Variants in CELSR1 observed in about 807,000 individuals in gnomAD.
CELSR1 encodes the protein adhesion G protein-coupled receptor C1.
A neutral mutation model predicts 249.1 loss-of-function variants in CELSR1; 110 were observed. The ratio of observed to expected loss-of-function variants is 0.44; its 90% CI spans 0.38 to 0.52. CELSR1 has a LOEUF of 0.52. Ranked by LOEUF, CELSR1 falls within the 20% of genes least tolerant of loss-of-function variation. CELSR1 has a pLI of 0.00. For missense variants in CELSR1, 4,109 were observed against 4,296.4 expected, an observed-to-expected ratio of 0.96 and a Z score of 1.22; for synonymous variants, 2,113 against 1,900.0, an observed-to-expected ratio of 1.11 and a Z score of -2.92.
chr22:46,515,186 T>A (rs2080614348), intron 1 of CELSR1, among the ~76,000 whole-genome samples: 2 of 152,090 alleles, frequency 1.3e-5, no homozygotes, highest in Non-Finnish European at 2.9e-5. Flanking sequence ...CACCCGTGCA[T>A]CAGCCCTCTG....
At position 46,374,763 on chromosome 22, in the gene CELSR1, C is replaced by T. The variant is rs565415440; in HGVS notation, c.7585-1706G>A. Among the ~76,000 whole-genome samples, 2 of 152,278 alleles carry T rather than the reference C, an allele frequency of 1.3e-5. No homozygotes were observed. Among genetic ancestry groups the T allele is most frequent in the African/African-American group, 2.4e-5 (1 of 41,510 alleles). ...GATGAAATCCGCACACTTCTCAGAG[C>T]CTTCCCAGACCAATGCGCGGATGAG... On this transcript the variant is annotated intron_variant, in intron 24 of 34. Transcript: ENST00000674500. The surrounding 1 kb of genome is among the most constrained non-coding windows in gnomAD (Gnocchi z 4.3).
chr22:46,499,926 A>G (rs1485747802), intron 1 of CELSR1, among the ~76,000 whole-genome samples: 1 of 151,982 alleles, frequency 6.6e-6, no homozygotes, highest in Non-Finnish European at 1.5e-5. Flanking sequence ...CCTCCAGAAC[A>G]CGCCAGGCTC....
intron 2 of CELSR1, among the ~76,000 whole-genome samples, chr22:46,461,141 C>T (rs750217014): frequency 2.0e-5 from 3 of 151,964 alleles, no homozygotes; most frequent in African/African-American, 4.8e-5. Flanking sequence ...GAAAAAGGAG[C>T]GCTTCAAAGG....
At chr22:46,469,066 G>GCT (rs2080127598) in intron 1 of CELSR1, among the ~76,000 whole-genome samples, 1 of 152,052 alleles carries the variant, frequency 6.6e-6, no homozygotes, top group Non-Finnish European at 1.5e-5. Flanking sequence ...ACAGAGAGAG[G>GCT]CTCTGTCTCC....
chr22:46,474,708 T>C (rs968390566), intron 1 of CELSR1, among the ~76,000 whole-genome samples: 12 of 131,420 alleles, frequency 9.1e-5, no homozygotes, highest in African/African-American at 3.4e-4. Context: ...TTTGTACTCT[T>C]TGACCAATCT....
At chr22:46,382,556 G>A (rs990019658) in intron 20 of CELSR1, among the ~76,000 whole-genome samples, 3 of 152,078 alleles carry the variant, frequency 2.0e-5, no homozygotes, top group Non-Finnish European at 4.4e-5. Flanking sequence ...GATTACAGCC[G>A]TGAGCCACCG....
rs376784521 is a variant in CELSR1 at position 46,469,713 on chromosome 22, C to G, written c.3545-5368G>C. Reference sequence around the variant, plus strand: ...GTATTTTTAGTAGACGAGGTTTCACCACGTAGGCCAGGCTGGTCTCGAACT... The same window carrying G: ...GTATTTTTAGTAGACGAGGTTTCACGACGTAGGCCAGGCTGGTCTCGAACT... On this transcript the variant is annotated intron_variant, in intron 1 of 34. Coordinates refer to ENST00000674500, the MANE Select transcript of CELSR1 (RefSeq NM_001378328.1). 2.2e-4 allele frequency among the ~76,000 whole-genome samples: 33 copies of G among 151,410 alleles called. No homozygotes were observed. The East Asian group carries it at 2.4e-3, about 11-fold the overall frequency.
chr22:46,519,572 A>G (rs1021025321), intron 1 of CELSR1, among the ~76,000 whole-genome samples: 1 of 152,216 alleles, frequency 6.6e-6, no homozygotes, highest in African/African-American at 2.4e-5. Context: ...CCTGGGCATC[A>G]GGTCTGAATG....
intron 1 of CELSR1, among the ~76,000 whole-genome samples, chr22:46,480,340 A>G (rs2080254245): frequency 6.6e-6 from 1 of 152,320 alleles, no homozygotes; most frequent in Non-Finnish European, 1.5e-5. Flanking sequence ...GCATGTCAAA[A>G]TTTTAAGAAA....
chr22:46,460,642 A>T (rs781427638), intron 2 of CELSR1, among the ~76,000 whole-genome samples: 11 of 152,076 alleles, frequency 7.2e-5, no homozygotes, highest in Non-Finnish European at 1.6e-4. Flanking sequence ...GTTGTTTAGG[A>T]CTCTCTGCAG....
chr22:46,418,699 A>G (rs1215970812), intron 5 of CELSR1, among the ~76,000 whole-genome samples: 1 of 152,186 alleles, frequency 6.6e-6, no homozygotes, highest in African/African-American at 2.4e-5. Context: ...TCAACTATCC[A>G]AGAAAGTAAT....
intron 2 of CELSR1, 71 bp downstream of exon 2, chr22:46,463,636 A>T (rs1470521175): frequency 6.3e-6 from 9 of 1,418,052 alleles, no homozygotes; most frequent in Non-Finnish European, 8.3e-6. Context: ...AAACAGAGGA[A>T]ACCACCTGAG....
chr22:46,442,414 A>C (rs781012765), intron 2 of CELSR1, among the ~76,000 whole-genome samples: 29 of 152,198 alleles, frequency 1.9e-4, no homozygotes, highest in Non-Finnish European at 4.1e-4. Context: ...CCAGCTCTGC[A>C]GCACGCTGTG....
rs531609282 is a variant in CELSR1, at chr22:46,527,229, G to A, written c.3544+6398C>T. Among the ~76,000 whole-genome samples, 6 of 152,160 alleles carry A rather than the reference G, an allele frequency of 3.9e-5. No individual in the cohort carries two copies. The highest frequency in any genetic ancestry group is 7.3e-5 in the Non-Finnish European group (5 of 68,028). On this transcript the variant is annotated intron_variant, in intron 1 of 34. Transcript: ENST00000674500. This position sits in a 1 kb window ranked among gnomAD's most constrained non-coding sequence, Gnocchi z 5.5. The stretch of plus-strand genomic sequence containing the variant: ...GCACATGGAGCACATCGGCTGAGAT[G>A]TGTCTGACCATCTAAGCTGGCAAAG...
rs2079744737 is a variant in CELSR1, at chr22:46,441,235, C to T, written c.4184-1824G>A. 6.6e-6 allele frequency among the ~76,000 whole-genome samples: 1 copy of T among 151,986 alleles called. No homozygotes were observed. On this transcript the variant is annotated intron_variant, in intron 2 of 34. Transcript: ENST00000674500. This position sits in a 1 kb window ranked among gnomAD's most constrained non-coding sequence, Gnocchi z 6.1. ...TGAGGATACTCAGTGCATAACCCAG[C>T]ATACCCTTCAAATGGCAGCATCTTC...
In CELSR1 at chr22:46,413,422, C is replaced by G. The variant is rs1452932600; in HGVS notation, c.4612-1663G>C. ...CCACCCCAGCTGAGGCTTCTCCTCC[C>G]TCTTATCCAATCATCTAACGTGAGT... is the stretch of plus-strand genomic sequence containing the variant. On this transcript the variant is annotated intron_variant, in intron 5 of 34. Coordinates refer to ENST00000674500, the MANE Select transcript of CELSR1 (RefSeq NM_001378328.1). The surrounding 1 kb of genome is among the most constrained non-coding windows in gnomAD (Gnocchi z 4.7). 6.6e-6 allele frequency among the ~76,000 whole-genome samples: 1 copy of G among 152,210 alleles called. No individual in the cohort carries two copies. Among genetic ancestry groups the G allele is most frequent in the East Asian group, 1.9e-4 (1 of 5,190 alleles).
chr22:46,480,200 A>G (rs2080252771), intron 1 of CELSR1, among the ~76,000 whole-genome samples: 1 of 152,196 alleles, frequency 6.6e-6, no homozygotes, highest in African/African-American at 2.4e-5. Flanking sequence ...AAGGCCCATC[A>G]GCCAGTAATT....
rs757839831 is a variant in CELSR1, at chr22:46,369,271, C to G, written c.7873-13G>C. On this transcript the variant is annotated splice_polypyrimidine_tract_variant and intron_variant, in intron 26 of 34. Coordinates refer to ENST00000674500, the MANE Select transcript of CELSR1 (RefSeq NM_001378328.1). ...TGACTGTGTTGATCTGAAAACAAAACAAGCCGATCAATGTCTTCTCTCTCG... is the reference window on the plus strand; with the variant it reads ...TGACTGTGTTGATCTGAAAACAAAAGAAGCCGATCAATGTCTTCTCTCTCG... 1.0e-6 allele frequency: 1 copy of G among 986,024 alleles called. No homozygotes were observed. Among genetic ancestry groups the G allele is most frequent in the Non-Finnish European group, 1.4e-6 (1 of 713,776 alleles). The allele number at this position is 986,024 out of a possible 1,614,324, so 61.1% of individuals were successfully genotyped here. A position where few individuals can be genotyped will look rare whatever the true frequency, so the allele number is the denominator to read the frequency against.
chr22:46,467,158 A>C (rs913414563), intron 1 of CELSR1, among the ~76,000 whole-genome samples: 1 of 152,266 alleles, frequency 6.6e-6, no homozygotes, highest in Non-Finnish European at 1.5e-5. Flanking sequence ...TGTGTTAAAA[A>C]TGTGAACGTA....
Sources: gnomAD v4.1 joint callset for allele counts (sites outside exome capture counted in the v4.1 genomes callset) on GRCh38, gnomAD v4.1.1 for gene constraint, Gnocchi (gnomAD v3.1) non-coding constraint, MANE v1.5 for transcripts, NCBI Gene and HGNC (gene_info 2026-07-23, HGNC 2026-07-21) for gene names.